Variants in LPP observed in about 807,000 individuals in gnomAD.
The protein encoded by LPP is lipoma-preferred partner.
Under a neutral mutation model 60.4 loss-of-function variants are expected in LPP, and 38 were observed. The ratio of observed to expected loss-of-function variants is 0.63; its 90% CI spans 0.49 to 0.83. The LOEUF is 0.83. Among genes scored for constraint, LPP ranks in the 40% least tolerant of loss-of-function variants. LPP has a pLI of 0.00. For synonymous variants in LPP, 328 were observed against 290.8 expected (o/e 1.13, Z -1.30); for missense variants, 902 against 783.6 (o/e 1.15, Z -1.80).
At chr3:188,191,205 G>A (rs184144862) in intron 1 of LPP, among the ~76,000 whole-genome samples, 1 of 152,344 alleles carries the variant, frequency 6.6e-6, no homozygotes, top group East Asian at 1.9e-4. Flanking sequence ...ACTCTAGCCT[G>A]GGCGACAGAG....
At position 188,830,338 on chromosome 3, in the gene LPP, G is replaced by T. The variant is rs113998611; in HGVS notation, c.1411-35862G>T. Among the ~76,000 whole-genome samples the T allele has an allele frequency of 8.4e-3, 1,265 of 150,152 alleles. 17 individuals are homozygous for T. Among genetic ancestry groups the T allele is most frequent in the African/African-American group, 0.029 (1,205 of 40,994 alleles). ...AAAAAAAAAAGGCTCAACCAGGCGC[G>T]GTGGCTCTGTAATCCCAGCCCTTTG... On this transcript the variant is annotated intron_variant, in intron 9 of 11. Transcript: ENST00000617246.
chr3:188,753,069 A>G (rs1455886788), intron 8 of LPP, among the ~76,000 whole-genome samples: 1 of 152,214 alleles, frequency 6.6e-6, no homozygotes, highest in African/African-American at 2.4e-5. Flanking sequence ...AATTGTATAC[A>G]TAGAAACATG....
chr3:188,563,307 T>C (rs1330684714), intron 6 of LPP, among the ~76,000 whole-genome samples: 8 of 151,998 alleles, frequency 5.3e-5, no homozygotes, highest in Non-Finnish European at 8.8e-5. Flanking sequence ...GTGAGAAGTA[T>C]ATGAAGTTGA....
At chr3:188,419,274 C>T (rs887498781) in intron 4 of LPP, among the ~76,000 whole-genome samples, 3 of 152,170 alleles carry the variant, frequency 2.0e-5, no homozygotes, top group Admixed American at 6.5e-5. Flanking sequence ...AGTAAAAACA[C>T]GTCTTAGCCC....
chr3:188,595,752 G>A (rs1382587966), intron 6 of LPP, among the ~76,000 whole-genome samples: 2 of 152,080 alleles, frequency 1.3e-5, no homozygotes, highest in Non-Finnish European at 2.9e-5. Flanking sequence ...CATTATTATT[G>A]TTGTTTTTAA....
chr3:188,408,755 T>G (rs1784258534), intron 4 of LPP, among the ~76,000 whole-genome samples: 1 of 108,706 alleles, frequency 9.2e-6, no homozygotes, highest in South Asian at 2.8e-4. Context: ...CTACAAAATG[T>G]TTTTTTTTTT....
chr3:188,503,499 G>A (rs1438400043), intron 5 of LPP, among the ~76,000 whole-genome samples: 1 of 152,072 alleles, frequency 6.6e-6, no homozygotes, highest in East Asian at 1.9e-4. Flanking sequence ...ATAAGCGTCT[G>A]CCTATTTGCC....
intron 2 of LPP, among the ~76,000 whole-genome samples, chr3:188,274,673 G>C (rs564803958): frequency 5.8e-4 from 88 of 152,272 alleles, no homozygotes; most frequent in African/African-American, 2.1e-3. Context: ...CGATTCCAAA[G>C]CACTCTGCAG....
chr3:188,163,710 G>A (rs930434176), intron 1 of LPP, among the ~76,000 whole-genome samples: 5 of 151,614 alleles, frequency 3.3e-5, no homozygotes, highest in Non-Finnish European at 7.4e-5. Context: ...GGGAGACTGA[G>A]TTGGGTGGAT....
At chr3:188,664,291 A>G (rs1386306304) in intron 7 of LPP, among the ~76,000 whole-genome samples, 1 of 152,224 alleles carries the variant, frequency 6.6e-6, no homozygotes, top group Non-Finnish European at 1.5e-5. Context: ...TCTTAGAGAT[A>G]AAGCTCTGTG....
chr3:188,427,707 A>G (rs6807597), intron 4 of LPP, among the ~76,000 whole-genome samples: 93,944 of 151,890 alleles, frequency 0.62, 31,349 homozygotes, highest in East Asian at 0.99. Context: ...CTTTGTTTAC[A>G]CTGTGATGGG....
intron 1 of LPP, among the ~76,000 whole-genome samples, 88 bp downstream of exon 1, chr3:188,154,340 G>T (rs563789165): frequency 7.2e-5 from 11 of 152,200 alleles, no homozygotes; most frequent in African/African-American, 2.4e-4. Context: ...AGCGCCTCCG[G>T]GGTGGCAAGA....
chr3:188,374,918 C>G lies in LPP; in HGVS notation c.-9-31194C>G, dbSNP rs924682309. 1.5e-3 allele frequency among the ~76,000 whole-genome samples: 230 copies of G among 151,758 alleles called. 1 individual carries two copies. The highest frequency in any genetic ancestry group is 1.1e-3 in the African/African-American group (47 of 41,378). On this transcript the variant is annotated intron_variant, in intron 3 of 11. Coordinates refer to ENST00000617246, the MANE Select transcript of LPP (RefSeq NM_001375462.1). Reference sequence around the variant, plus strand: ...TTTATTGAGAGTTTTTAGCATGAAGCGTTGTTGAATTTTGTCAAAGGCCTT... The same window carrying G: ...TTTATTGAGAGTTTTTAGCATGAAGGGTTGTTGAATTTTGTCAAAGGCCTT...
intron 2 of LPP, among the ~76,000 whole-genome samples, chr3:188,291,505 G>T (rs1469925328): frequency 6.6e-6 from 1 of 152,008 alleles, no homozygotes; most frequent in Non-Finnish European, 1.5e-5. Flanking sequence ...AATTAGCCGG[G>T]CATGGTGGTG....
intron 6 of LPP, among the ~76,000 whole-genome samples, chr3:188,557,863 AG>A (rs1451411776): frequency 2.0e-5 from 3 of 152,052 alleles, no homozygotes; most frequent in Admixed American, 2.0e-4. Context: ...AAGAGTTGAG[AG>A]GGCCCAGTTT....
chr3:188,606,784 C>T (rs1306391916), intron 6 of LPP, among the ~76,000 whole-genome samples: 1 of 152,004 alleles, frequency 6.6e-6, no homozygotes, highest in Admixed American at 6.6e-5. Flanking sequence ...TAATGCCAGT[C>T]ATAAAAAAGT....
intron 6 of LPP, among the ~76,000 whole-genome samples, chr3:188,588,339 G>A (rs1418896879): frequency 6.6e-6 from 1 of 152,152 alleles, no homozygotes. Context: ...TTTCATCACT[G>A]TGTCCCTCCC....
chr3:188,168,348 C>G (rs1720624697), intron 1 of LPP, among the ~76,000 whole-genome samples: 1 of 152,148 alleles, frequency 6.6e-6, no homozygotes, highest in African/African-American at 2.4e-5. Context: ...GTTTTGTGTC[C>G]ATAGCCTTTT....
At chr3:188,758,091 G>C (rs1730981663) in intron 8 of LPP, among the ~76,000 whole-genome samples, 1 of 151,934 alleles carries the variant, frequency 6.6e-6, no homozygotes, top group South Asian at 2.1e-4. Context: ...GTGGTATCAA[G>C]ACTTTATAAT....
Sources: allele counts gnomAD v4.1 joint callset (sites outside exome capture counted in the v4.1 genomes callset), GRCh38; gene constraint gnomAD v4.1.1; transcripts MANE v1.5; gene names NCBI Gene and HGNC (gene_info 2026-07-23, HGNC 2026-07-21).